The following DST variants were observed in gnomAD, a reference collection of about 807,000 sequenced individuals.
DST encodes bullous pemphigoid antigen.
Under a neutral mutation model 875.2 loss-of-function variants are expected in DST, and 253 were observed. The ratio of observed to expected loss-of-function variants is 0.29; its 90% CI spans 0.26 to 0.32. The LOEUF (loss-of-function observed/expected upper bound fraction) is 0.32. DST is among the 10% of genes least tolerant of loss of function. The pLI, the probability that DST is intolerant of heterozygous loss-of-function variation, is 1.00. For synonymous variants in DST, 3,124 were observed against 3,197.1 expected (o/e 0.98, Z 0.77); for missense variants, 8,287 against 9,111.6 (o/e 0.91, Z 3.68).
intron 4 of DST, among the ~76,000 whole-genome samples, chr6:56,831,470 C>T (rs187867085): frequency 1.3e-4 from 20 of 152,162 alleles, no homozygotes; most frequent in Non-Finnish European, 2.9e-4. Context: ...AACACAAAGC[C>T]TCTCCCTTCC....
Position 56,553,020 on chromosome 6 carries a change from T to G in DST, c.15772A>C (p.Thr5258Pro). ...KSLIQKVDMV[T>P]EQLHSKKFCL... Reference sequence around the variant, plus strand: ...AATTTCTTACTGTGAAGTTGTTCAGTGACCATGTCCACCTTCTGGATCAGT... The same window carrying G: ...AATTTCTTACTGTGAAGTTGTTCAGGGACCATGTCCACCTTCTGGATCAGT... Residue 5258 changes from threonine (T) to proline (P), a missense_variant, in exon 61 of 104, where the codon ACT becomes CCT. Physicochemically the swap from Thr to Pro is conservative, Grantham distance 38. Transcript: ENST00000680361. 1 of 1,613,964 alleles carries G rather than the reference T, an allele frequency of 6.2e-7. No individual in the cohort carries two copies. Among genetic ancestry groups the G allele is most frequent in the Non-Finnish European group, 8.5e-7 (1 of 1,179,902 alleles).
chr6:56,876,377 G>A (rs1779635222), intron 3 of DST, among the ~76,000 whole-genome samples: 1 of 152,078 alleles, frequency 6.6e-6, no homozygotes, highest in Non-Finnish European at 1.5e-5. Context: ...CACATCACCT[G>A]GTACTGAACC....
Position 56,482,727 on chromosome 6 carries a change from G to A in DST, c.21358C>T (p.Leu7120Phe). 1.2e-6 allele frequency: 2 copies of A among 1,613,802 alleles called. No homozygotes were observed. Among genetic ancestry groups the A allele is most frequent in the South Asian group, 1.1e-5 (1 of 91,052 alleles). Residue 7120 changes from leucine to phenylalanine, a missense_variant, in exon 89 of 104, where the codon CTT becomes TTT. Coordinates refer to ENST00000680361, the MANE Select transcript of DST (RefSeq NM_001374736.1). ...AACCGTGTTTGCTTTGATATAGAAA[G>A]TGCACACACGGTCTCCCAGCGTGTG... The part of the protein sequence containing the change: ...LSTRWETVCA[L>F]SISKQTRLEA...
chr6:56,515,437 A>C lies in DST; in HGVS notation c.18576+13T>G. 6 of 1,613,084 alleles carry C rather than the reference A, an allele frequency of 3.7e-6. No individual in the cohort carries two copies. The highest frequency in any genetic ancestry group is 5.1e-6 in the Non-Finnish European group (6 of 1,179,286). On this transcript the variant is annotated intron_variant, in intron 72 of 103. Transcript: ENST00000680361. ...AATGGGGAATACAATATTCTCTTTC[A>C]CACCAGGCTTACCCGATGTTCTTCC... is the stretch of plus-strand genomic sequence containing the variant.
chr6:56,649,639 A>G (rs147035484), intron 12 of DST, among the ~76,000 whole-genome samples: 34 of 152,342 alleles, frequency 2.2e-4, no homozygotes, highest in Non-Finnish European at 3.5e-4. Context: ...GAGTCAGGAC[A>G]TTGACATGGA....
chr6:56,494,413 T>C (rs2095846597), intron 82 of DST, among the ~76,000 whole-genome samples: 1 of 152,140 alleles, frequency 6.6e-6, no homozygotes. Flanking sequence ...CAGCCCATTC[T>C]GGCATGCTAA....
chr6:56,796,422 T>C (rs1380220773), intron 4 of DST, among the ~76,000 whole-genome samples: 1 of 152,214 alleles, frequency 6.6e-6, no homozygotes, highest in East Asian at 1.9e-4. Flanking sequence ...ATGGAGAGTA[T>C]GACCTGTCTA....
rs933959004 is a variant in DST at position 56,953,713 on chromosome 6, G to A, written c.216+72C>T. On this transcript the variant is annotated intron_variant, in intron 2 of 103. Coordinates refer to ENST00000680361, the MANE Select transcript of DST (RefSeq NM_001374736.1). ...CAGTGTCCTACTGGTTTCTTAACAC[G>A]CATATAATTAATATTGGTACTCAGG... is the stretch of plus-strand genomic sequence containing the variant. 3 of 1,100,506 alleles carry A rather than the reference G, an allele frequency of 2.7e-6. No individual in the cohort carries two copies. The African/African-American group carries it at 4.9e-5, about 18-fold the overall frequency. 68.2% of individuals were successfully genotyped at this position (1,100,506 alleles called of 1,614,324 possible).
At chr6:56,762,154 G>A (rs755464531) in intron 4 of DST, among the ~76,000 whole-genome samples, 2 of 152,008 alleles carry the variant, frequency 1.3e-5, no homozygotes, top group African/African-American at 4.8e-5. Context: ...CTGAGTAGCT[G>A]GGATTACAGG....
Position 56,693,314 on chromosome 6 carries a change from C to A in DST, c.1047+6339G>T. 1.0e-5 allele frequency: 12 copies of A among 1,170,974 alleles called. No homozygotes were observed. The South Asian group carries it at 1.9e-4, about 19-fold the overall frequency. 72.5% of individuals were successfully genotyped at this position (1,170,974 alleles called of 1,614,324 possible). On this transcript the variant is annotated intron_variant, in intron 9 of 103. Coordinates refer to ENST00000680361, the MANE Select transcript of DST (RefSeq NM_001374736.1). ...GGCCATTTTGCTTATGAGAAAGGCA[C>A]ACACAAGAAATGCCGTGGCATCCTG...
chr6:56,940,017 C>T (rs1449926531), intron 2 of DST, among the ~76,000 whole-genome samples: 1 of 151,282 alleles, frequency 6.6e-6, no homozygotes, highest in East Asian at 1.9e-4. Context: ...CAGAGCAAGA[C>T]TCCGTCTCAA....
At chr6:56,497,662 T>G in intron 81 of DST, 155 bp from the exon 82 acceptor site, 1 of 1,008,606 alleles carries the variant, frequency 9.9e-7, no homozygotes, top group Non-Finnish European at 1.4e-6. Context: ...AGGAGAGCTC[T>G]AGTAGATAAG....
intron 3 of DST, among the ~76,000 whole-genome samples, chr6:56,875,658 C>T (rs890950167): frequency 1.3e-5 from 2 of 152,144 alleles, no homozygotes; most frequent in Non-Finnish European, 2.9e-5. Flanking sequence ...GTCTAATGGA[C>T]ACACCATCAG....
Position 56,606,733 on chromosome 6 carries a change from T to C in DST, c.7895A>G (p.Asp2632Gly). ...DHDSLLLDGD[D>G]RDCLHPEDYD... ...GTCCTCAGGGTGCAGGCAATCACGATCATCACCATCAAGAAGCAAAGAATC... is the reference window on the plus strand; with the variant it reads ...GTCCTCAGGGTGCAGGCAATCACGACCATCACCATCAAGAAGCAAAGAATC... Residue 2632 changes from aspartate (D) to glycine (G), a missense_variant, in exon 40 of 104, where the codon GAT (aspartate) becomes GGT (glycine). By Grantham distance (94) the Asp-to-Gly change is moderately conservative. Transcript: ENST00000680361. The C allele has an allele frequency of 6.2e-7, 1 of 1,613,454 alleles. No homozygotes were observed. The highest frequency in any genetic ancestry group is 8.5e-7 in the Non-Finnish European group (1 of 1,179,624).
chr6:56,493,681 T>C (rs1447647818), intron 83 of DST, among the ~76,000 whole-genome samples: 33 of 152,136 alleles, frequency 2.2e-4, no homozygotes, highest in Admixed American at 2.1e-3. Flanking sequence ...CCCATATATA[T>C]AGTCTTTTGT....
At chr6:56,922,559 C>G (rs1195124942) in intron 2 of DST, among the ~76,000 whole-genome samples, 1 of 152,164 alleles carries the variant, frequency 6.6e-6, no homozygotes, top group Admixed American at 6.5e-5. Flanking sequence ...GTTTGCATCT[C>G]TAGCCTCAGT....
At chr6:56,877,992 C>G (rs1419506934) in intron 3 of DST, among the ~76,000 whole-genome samples, 1 of 152,016 alleles carries the variant, frequency 6.6e-6, no homozygotes, top group Non-Finnish European at 1.5e-5. Flanking sequence ...GAACTGAAGA[C>G]CAGTCATGCA....
intron 50 of DST, among the ~76,000 whole-genome samples, chr6:56,578,119 T>C (rs1487390560): frequency 6.6e-6 from 1 of 152,138 alleles, no homozygotes; most frequent in African/African-American, 2.4e-5. Flanking sequence ...GCTGTAGTGC[T>C]ACTTTTGTGC....
chr6:56,672,502 T>G (rs185720950), intron 9 of DST, among the ~76,000 whole-genome samples: 2 of 152,224 alleles, frequency 1.3e-5, no homozygotes, highest in East Asian at 3.9e-4. Context: ...TTTTTTTATG[T>G]GACAAAAAAC....
Sources: gnomAD v4.1 joint callset for allele counts (sites outside exome capture counted in the v4.1 genomes callset) on GRCh38, gnomAD v4.1.1 for gene constraint, MANE v1.5 for transcripts, NCBI Gene and HGNC (gene_info 2026-07-23, HGNC 2026-07-21) for gene names.